Variants in KCNT1 observed in about 807,000 individuals in gnomAD.
The protein encoded by KCNT1 is potassium sodium-activated channel subfamily T member 1, also known as potassium channel subfamily T member 1.
Under a neutral mutation model 147.8 loss-of-function variants are expected in KCNT1, and 78 were observed. The observed-to-expected ratio is 0.53, with a 90% confidence interval of 0.44 to 0.64. The LOEUF is 0.64. Among genes scored for constraint, KCNT1 ranks in the 30% least tolerant of loss-of-function variants. The pLI is 0.00. For synonymous variants in KCNT1, 867 were observed against 748.8 expected, an observed-to-expected ratio of 1.16 and a Z score of -2.58; for missense variants, 1,419 against 1,750.3, an observed-to-expected ratio of 0.81 and a Z score of 3.38.
intron 10 of KCNT1, among the ~76,000 whole-genome samples, chr9:135,758,948 G>T (rs963867674): frequency 6.6e-6 from 1 of 152,218 alleles, no homozygotes; most frequent in East Asian, 1.9e-4. Flanking sequence ...CTCGTGGAGG[G>T]CTCCATGTTG....
intron 1 of KCNT1, among the ~76,000 whole-genome samples, chr9:135,709,936 C>T (rs997267036): frequency 6.6e-6 from 1 of 152,234 alleles, no homozygotes; most frequent in African/African-American, 2.4e-5. Context: ...CCACCTTGGC[C>T]TCCCAAAGTG....
In KCNT1 at chr9:135,787,251, TTGTGGTGG is replaced by T. The variant is rs145320938; in HGVS notation, c.3502+731_3502+738del. On this transcript the variant is annotated intron_variant, in intron 29 of 30. Coordinates refer to ENST00000371757, the MANE Select transcript of KCNT1 (RefSeq NM_020822.3). The stretch of plus-strand genomic sequence containing the variant: ...CCGTGCAGCCCCCTCTCTCTGCGCC[TTGTGGTGG>T]GAAGTGTGCTTGGGCTTCGGGGCCC... Among the ~76,000 whole-genome samples, 120 of 152,314 alleles carry T rather than the reference TTGTGGTGG, an allele frequency of 7.9e-4. 1 individual carries two copies. In the South Asian group the frequency reaches 0.013, roughly 17 times the overall value.
At chr9:135,791,412 T>G (rs1347104561) in intron 29 of KCNT1, 4 of 225,980 alleles carry the variant, frequency 1.8e-5, no homozygotes, top group Non-Finnish European at 3.5e-5. Context: ...GATGAAGGCA[T>G]GCATGCATGT....
intron 2 of KCNT1, among the ~76,000 whole-genome samples, chr9:135,726,525 G>A (rs1049325978): frequency 1.3e-5 from 2 of 152,098 alleles, no homozygotes; most frequent in African/African-American, 4.8e-5. Context: ...CCTGTTGGGA[G>A]GGTAAAGCGA....
intron 1 of KCNT1, among the ~76,000 whole-genome samples, chr9:135,706,079 C>G (rs1184298932): frequency 6.6e-6 from 1 of 152,182 alleles, no homozygotes; most frequent in African/African-American, 2.4e-5. Flanking sequence ...TCCATCCCAG[C>G]ACTGAGATGC....
At chr9:135,742,469 C>CG (rs1251718401) in intron 2 of KCNT1, among the ~76,000 whole-genome samples, 1 of 152,158 alleles carries the variant, frequency 6.6e-6, no homozygotes, top group African/African-American at 2.4e-5. Context: ...GGTGCATGCG[C>CG]GGGGACCTCC....
At position 135,714,397 on chromosome 9, in the gene KCNT1, G is replaced by A. The variant is rs1016908650; in HGVS notation, c.111-180G>A. ...GCCCTAGCCCCAGCCCGGCGCAGCCGGTCCCGCGCGCCCCCGCCCGCATGT... is the reference window on the plus strand; with the variant it reads ...GCCCTAGCCCCAGCCCGGCGCAGCCAGTCCCGCGCGCCCCCGCCCGCATGT... On this transcript the variant is annotated intron_variant, in intron 1 of 30. Transcript: ENST00000371757. This position sits in a 1 kb window ranked among gnomAD's most constrained non-coding sequence, Gnocchi z 6.2. 6 of 167,380 alleles carry A rather than the reference G, an allele frequency of 3.6e-5. No individual in the cohort carries two copies. The South Asian group carries it at 1.2e-3, about 32-fold the overall frequency. 10.4% of individuals were successfully genotyped at this position (167,380 alleles called of 1,614,324 possible). A position where few individuals can be genotyped will look rare whatever the true frequency, so the allele number is the denominator to read the frequency against.
chr9:135,736,014 C>T (rs2131371796), intron 2 of KCNT1, among the ~76,000 whole-genome samples: 1 of 152,350 alleles, frequency 6.6e-6, no homozygotes, highest in East Asian at 1.9e-4. Context: ...GCTGCACACA[C>T]ACAGGTGGGA....
At chr9:135,785,258 G>A (rs1001929622) in intron 27 of KCNT1, 52 bp from the exon 28 acceptor site, 8 of 1,608,116 alleles carry the variant, frequency 5.0e-6, no homozygotes, top group Non-Finnish European at 5.9e-6. Context: ...GAGGCGGCGT[G>A]GGGGGCAGGG....
At chr9:135,782,698 C>T (rs117147595) in intron 24 of KCNT1, among the ~76,000 whole-genome samples, 2 of 152,306 alleles carry the variant, frequency 1.3e-5, no homozygotes, top group East Asian at 3.9e-4. Flanking sequence ...TGTCGTGGTT[C>T]TTGTTTCCTG....
intron 2 of KCNT1, among the ~76,000 whole-genome samples, chr9:135,718,842 G>A (rs894346168): frequency 6.6e-6 from 1 of 152,248 alleles, no homozygotes; most frequent in Non-Finnish European, 1.5e-5. Flanking sequence ...ATCGCCCGTG[G>A]CCTTGGACAG....
Position 135,772,836 on chromosome 9 carries a change from C to T in KCNT1, c.2130C>T (p.Ile710=), listed in dbSNP as rs1832851605. 7 of 1,536,978 alleles carry T rather than the reference C, an allele frequency of 4.6e-6. No individual in the cohort carries two copies. The highest frequency in any genetic ancestry group is 2.0e-5 in the Admixed American group (1 of 49,334). The change falls in exon 19 of 31, where the codon ATC becomes ATT. Residue 710 remains isoleucine, a synonymous_variant. Transcript: ENST00000371757. Reference sequence around the variant, plus strand: ...GCTCGGGCAGCCGGCGGCCCAGCATCGCGCCCGTCCTGGAACTGGCCGACA... The same window carrying T: ...GCTCGGGCAGCCGGCGGCCCAGCATTGCGCCCGTCCTGGAACTGGCCGACA... ...ENGSGSRRPS[I]APVLELADSS...
chr9:135,720,120 G>A (rs923078911), intron 2 of KCNT1, among the ~76,000 whole-genome samples: 1 of 152,130 alleles, frequency 6.6e-6, no homozygotes, highest in African/African-American at 2.4e-5. Flanking sequence ...GCCAGCAGGA[G>A]CAGGAATGGG....
chr9:135,742,868 G>A, intron 2 of KCNT1: 1 of 715,438 alleles, frequency 1.4e-6, no homozygotes, highest in Non-Finnish European at 2.6e-6. Flanking sequence ...GCTCTTAGAG[G>A]TGTGAGAGCC....
At chr9:135,772,564 CTG>C (rs1832829974) in intron 18 of KCNT1, 149 bp from the exon 19 acceptor site, 4 of 484,718 alleles carry the variant, frequency 8.3e-6, no homozygotes, top group Non-Finnish European at 1.4e-5. Context: ...GAGGGGGAAA[CTG>C]AGGCATAGAT....
intron 2 of KCNT1, among the ~76,000 whole-genome samples, chr9:135,744,868 C>T (rs1291992668): frequency 6.6e-6 from 1 of 152,226 alleles, no homozygotes; most frequent in Non-Finnish European, 1.5e-5. Flanking sequence ...TCTCACCGGC[C>T]CTGCGTCTTG....
At chr9:135,746,804 C>A (rs1264536979) in intron 2 of KCNT1, among the ~76,000 whole-genome samples, 1 of 151,796 alleles carries the variant, frequency 6.6e-6, no homozygotes, top group Non-Finnish European at 1.5e-5. Flanking sequence ...CTGGGCACCC[C>A]CGCCTAGGAG....
intron 19 of KCNT1, among the ~76,000 whole-genome samples, chr9:135,774,236 G>A (rs1366706288): frequency 6.7e-6 from 1 of 149,754 alleles, no homozygotes; most frequent in Non-Finnish European, 1.5e-5. Context: ...TGTTGTGTGT[G>A]GTGTGTGTCC....
intron 11 of KCNT1, among the ~76,000 whole-genome samples, chr9:135,762,097 C>T (rs939118264): frequency 8.5e-5 from 13 of 152,254 alleles, no homozygotes; most frequent in Non-Finnish European, 1.8e-4. Context: ...GGCTGCCTTC[C>T]CATTCTGCTC....
Sources: gnomAD v4.1 joint callset for allele counts (sites outside exome capture counted in the v4.1 genomes callset) on GRCh38, gnomAD v4.1.1 for gene constraint, Gnocchi (gnomAD v3.1) non-coding constraint, MANE v1.5 for transcripts, NCBI Gene and HGNC (gene_info 2026-07-23, HGNC 2026-07-21) for gene names.